The following DCC variants were observed in gnomAD, a reference collection of about 807,000 sequenced individuals.
DCC encodes netrin receptor DCC.
DCC carries 58 observed loss-of-function variants against 172.5 expected under a neutral mutation model. That is an observed-to-expected ratio of 0.34 (90% CI 0.27 to 0.42). The LOEUF is 0.42. Among genes scored for constraint, DCC ranks in the 10% least tolerant of loss-of-function variants. The pLI is 1.00. For synonymous variants in DCC, 709 were observed against 644.5 expected, an observed-to-expected ratio of 1.10 and a Z score of -1.52; for missense variants, 1,740 against 1,791.0, an observed-to-expected ratio of 0.97 and a Z score of 0.51.
chr18:52,908,676 C>A (rs2039925580), intron 3 of DCC, among the ~76,000 whole-genome samples: 1 of 152,092 alleles, frequency 6.6e-6, no homozygotes, highest in African/African-American at 2.4e-5. Flanking sequence ...CTTGCAACAG[C>A]CATTTGCATT....
chr18:52,649,768 TGA>T (rs1043523867), intron 1 of DCC, among the ~76,000 whole-genome samples: 2 of 152,162 alleles, frequency 1.3e-5, no homozygotes, highest in African/African-American at 4.8e-5. Context: ...TGTATTCCAG[TGA>T]GTGACTTGAG....
At chr18:52,939,224 A>G (rs989982886) in intron 5 of DCC, among the ~76,000 whole-genome samples, 8 of 152,078 alleles carry the variant, frequency 5.3e-5, no homozygotes, top group Non-Finnish European at 1.2e-4. Flanking sequence ...AGCTCCCCAT[A>G]TGTCTAGAAT....
At chr18:53,481,949 G>T (rs1414317072) in intron 25 of DCC, among the ~76,000 whole-genome samples, 2 of 152,130 alleles carry the variant, frequency 1.3e-5, no homozygotes, top group Non-Finnish European at 2.9e-5. Flanking sequence ...GTCATATTTT[G>T]CCGCAGAGCA....
At chr18:52,493,539 A>C (rs2030607166) in intron 1 of DCC, among the ~76,000 whole-genome samples, 1 of 152,114 alleles carries the variant, frequency 6.6e-6, no homozygotes, top group African/African-American at 2.4e-5. Context: ...TTCAATCCTC[A>C]AAATGCCCAG....
intron 5 of DCC, among the ~76,000 whole-genome samples, chr18:53,004,711 T>C (rs1297314973): frequency 6.6e-6 from 1 of 151,700 alleles, no homozygotes; most frequent in African/African-American, 2.4e-5. Context: ...TTTGTTTGTT[T>C]GTTTTTTCTT....
chr18:53,253,714 A>G (rs554380172), intron 12 of DCC, among the ~76,000 whole-genome samples: 36 of 152,216 alleles, frequency 2.4e-4, no homozygotes, highest in Non-Finnish European at 2.9e-5. Flanking sequence ...GCTTGGTAGC[A>G]GTTTCAGGAA....
chr18:53,416,262 A>G, intron 21 of DCC, 106 bp downstream of exon 21: 1 of 823,568 alleles, frequency 1.2e-6, no homozygotes, highest in Non-Finnish European at 2.1e-6. Context: ...CATACACCTG[A>G]TGAAGCAGAC....
chr18:52,609,997 A>G (rs2034217316), intron 1 of DCC, among the ~76,000 whole-genome samples: 1 of 150,770 alleles, frequency 6.6e-6, no homozygotes, highest in Admixed American at 6.6e-5. Context: ...ATATTAACAA[A>G]TGTTTATTTT....
intron 15 of DCC, among the ~76,000 whole-genome samples, chr18:53,368,967 A>G (rs956944683): frequency 2.0e-5 from 3 of 151,758 alleles, no homozygotes; most frequent in Admixed American, 6.6e-5. Flanking sequence ...TTTCTGTTCT[A>G]AAAAAAATCA....
In DCC at chr18:52,604,556, C is replaced by T. The variant is rs146797050; in HGVS notation, c.92-147498C>T. On this transcript the variant is annotated intron_variant, in intron 1 of 28. Coordinates refer to ENST00000442544, the MANE Select transcript of DCC (RefSeq NM_005215.4). ...AAGAACAGAGAAGGGAGGAAGGTTG[C>T]ACCATCTGTGCCTGTCCCTTCTTTG... Among the ~76,000 whole-genome samples the T allele has an allele frequency of 5.7e-3, 869 of 152,270 alleles. 13 individuals carry two copies. Among genetic ancestry groups the T allele is most frequent in the African/African-American group, 0.02 (841 of 41,566 alleles).
At chr18:52,735,275 C>T (rs961385309) in intron 1 of DCC, among the ~76,000 whole-genome samples, 3 of 152,126 alleles carry the variant, frequency 2.0e-5, no homozygotes, top group Admixed American at 1.3e-4. Context: ...CTCCAGGGCT[C>T]ACTGGTTGCC....
intron 1 of DCC, among the ~76,000 whole-genome samples, chr18:52,358,967 C>CT (rs1598859773): frequency 6.6e-6 from 1 of 152,212 alleles, no homozygotes; most frequent in East Asian, 1.9e-4. Flanking sequence ...TATCATACTG[C>CT]TTGTGTCTTC....
chr18:52,579,528 G>T (rs1165765751), intron 1 of DCC, among the ~76,000 whole-genome samples: 1 of 152,164 alleles, frequency 6.6e-6, no homozygotes, highest in Non-Finnish European at 1.5e-5. Context: ...GTTTATAAGT[G>T]TGTGTGTATG....
chr18:53,262,824 A>G (rs1240605032), intron 12 of DCC, among the ~76,000 whole-genome samples: 2 of 152,252 alleles, frequency 1.3e-5, no homozygotes, highest in Non-Finnish European at 2.9e-5. Context: ...TTTATCTGCC[A>G]GCTAATAAAA....
At chr18:52,581,134 A>T (rs1422508012) in intron 1 of DCC, among the ~76,000 whole-genome samples, 1 of 126,650 alleles carries the variant, frequency 7.9e-6, no homozygotes, top group Non-Finnish European at 1.8e-5. Context: ...AGATAAATAC[A>T]TAAATAAATA....
chr18:52,735,502 G>C (rs1431317979), intron 1 of DCC, among the ~76,000 whole-genome samples: 7 of 152,134 alleles, frequency 4.6e-5, no homozygotes, highest in African/African-American at 1.4e-4. Context: ...GCCATCTGCA[G>C]TCTGAGAAGC....
chr18:53,371,687 T>C (rs1364770676), intron 15 of DCC, among the ~76,000 whole-genome samples: 1 of 151,998 alleles, frequency 6.6e-6, no homozygotes, highest in Non-Finnish European at 1.5e-5. Flanking sequence ...ATAAAACAAA[T>C]ACCTTCTATT....
At chr18:52,473,947 G>T (rs1989016823) in intron 1 of DCC, among the ~76,000 whole-genome samples, 1 of 151,798 alleles carries the variant, frequency 6.6e-6, no homozygotes. Context: ...ACATCCTCAG[G>T]AGCAGCAGTG....
At chr18:52,735,447 A>C (rs4939703) in intron 1 of DCC, among the ~76,000 whole-genome samples, 148,777 of 152,148 alleles carry the variant, frequency 0.98, 72,820 homozygotes, top group East Asian at 1. Flanking sequence ...GGGAATTTAC[A>C]AGGAGAATTG....
Sources: allele counts gnomAD v4.1 joint callset (sites outside exome capture counted in the v4.1 genomes callset), GRCh38; gene constraint gnomAD v4.1.1; transcripts MANE v1.5; gene names NCBI Gene and HGNC (gene_info 2026-07-23, HGNC 2026-07-21).